The following TSTD2 variants were observed in gnomAD, a reference collection of about 807,000 sequenced individuals.
TSTD2 encodes the protein thiosulfate sulfurtransferase/rhodanese-like domain-containing protein 2.
In TSTD2, 37 loss-of-function variants were observed where a neutral mutation model predicts 47.9. That is an observed-to-expected ratio of 0.77 (90% CI 0.59 to 1.02). The LOEUF (loss-of-function observed/expected upper bound fraction) is 1.02. Among genes scored for constraint, TSTD2 ranks in the 50% least tolerant of loss-of-function variants. The pLI is 0.00. For missense variants in TSTD2, 586 were observed against 616.0 expected, an observed-to-expected ratio of 0.95 and a Z score of 0.52; for synonymous variants, 201 against 215.9, an observed-to-expected ratio of 0.93 and a Z score of 0.61.
chr9:97,630,753 G>C (rs775516392), intron 1 of TSTD2, among the ~76,000 whole-genome samples: 5 of 152,058 alleles, frequency 3.3e-5, no homozygotes, highest in Non-Finnish European at 5.9e-5. Context: ...TGAGTACATG[G>C]GGTTTCATCA....
chr9:97,618,107 T>C (rs1344067158), intron 3 of TSTD2, among the ~76,000 whole-genome samples: 1 of 152,222 alleles, frequency 6.6e-6, no homozygotes, highest in East Asian at 1.9e-4. Context: ...TGAGTTTACT[T>C]TGATCCCTCA....
chr9:97,627,619 T>C lies in TSTD2; in HGVS notation c.-50-7A>G. The C allele has an allele frequency of 7.0e-7, 1 of 1,434,174 alleles. No homozygotes were observed. The highest frequency in any genetic ancestry group is 9.3e-7 in the Non-Finnish European group (1 of 1,071,478). 88.8% of individuals were successfully genotyped at this position (1,434,174 alleles called of 1,614,324 possible). A position where few individuals can be genotyped will look rare whatever the true frequency, so the allele number is the denominator to read the frequency against. On this transcript the variant is annotated splice_polypyrimidine_tract_variant and splice_region_variant and intron_variant, in intron 1 of 9. Coordinates refer to ENST00000341170, the MANE Select transcript of TSTD2 (RefSeq NM_139246.5). ...CCTTTCAGTTAAATACCTCCTAGAA[T>C]ATAAATAAGAAAGAAGCAGCCATGC...
At chr9:97,612,554 T>G (rs1470201108) in intron 4 of TSTD2, among the ~76,000 whole-genome samples, 1 of 152,226 alleles carries the variant, frequency 6.6e-6, no homozygotes, top group Non-Finnish European at 1.5e-5. Context: ...AGGTGTGAGA[T>G]GGATACCTGT....
chr9:97,627,445 C>A lies in TSTD2; in HGVS notation c.118G>T (p.Glu40Ter), dbSNP rs916507817. 6.2e-7 allele frequency: 1 copy of A among 1,607,536 alleles called. No individual in the cohort carries two copies. The highest frequency in any genetic ancestry group is 1.3e-5 in the African/African-American group (1 of 74,630). The change falls in exon 2 of 10, where the codon GAA (glutamate) becomes TAA (stop). Residue 40 changes from glutamate to a stop codon, truncating the protein, a stop_gained. Coordinates refer to ENST00000341170, the MANE Select transcript of TSTD2 (RefSeq NM_139246.5). LOFTEE classifies it high-confidence loss of function. ...TTCTTTTTTGTACTGCCATCTAATT[C>A]TGCTTTAAGACTGCTGCTGGGATTA... is the stretch of plus-strand genomic sequence containing the variant. ...LINPSSSLKA[E>*]LDGSTKKKYS...
In TSTD2 at chr9:97,600,153, C is replaced by T; in HGVS notation, c.*2316G>A. ...TTAGCAAATAAAACTGATTATCATT[C>T]TTTATTAACCCTCCTTGGAATTTTG... On this transcript the variant is annotated 3_prime_UTR_variant, in exon 10 of 10. Coordinates refer to ENST00000341170, the MANE Select transcript of TSTD2 (RefSeq NM_139246.5). 1.0e-6 allele frequency: 1 copy of T among 1,000,942 alleles called. No individual in the cohort carries two copies. The highest frequency in any genetic ancestry group is 4.3e-5 in the South Asian group (1 of 23,156). 62.0% of individuals were successfully genotyped at this position (1,000,942 alleles called of 1,614,324 possible). A position where few individuals can be genotyped will look rare whatever the true frequency, so the allele number is the denominator to read the frequency against.
chr9:97,628,993 C>T (rs935178614), intron 1 of TSTD2, among the ~76,000 whole-genome samples: 1 of 152,182 alleles, frequency 6.6e-6, no homozygotes, highest in Non-Finnish European at 1.5e-5. Context: ...TGCCCCACAA[C>T]ATAACAACTG....
rs778932263 is a variant in TSTD2, at chr9:97,602,604, T to C, written c.1416A>G (p.Gln472=). ...KGSRKVSGPM[Q]DSFKEECECT... is the part of the protein sequence containing the mutation. ...ACTCGCATTCCTCTTTAAAGCTGTC[T>C]TGCATAGGGCCTGAAACTTTCCTGC... is the stretch of plus-strand genomic sequence containing the variant. Residue 472 remains glutamine (Q), a synonymous_variant, in exon 10 of 10, where the codon CAA becomes CAG. Coordinates refer to ENST00000341170, the MANE Select transcript of TSTD2 (RefSeq NM_139246.5). 6.2e-7 allele frequency: 1 copy of C among 1,614,208 alleles called. No individual in the cohort carries two copies. Among genetic ancestry groups the C allele is most frequent in the Non-Finnish European group, 8.5e-7 (1 of 1,180,028 alleles).
chr9:97,627,575 CA>C lies in TSTD2; in HGVS notation c.-14del. The C allele has an allele frequency of 1.3e-6, 2 of 1,586,720 alleles. No individual in the cohort carries two copies. The highest frequency in any genetic ancestry group is 1.7e-6 in the Non-Finnish European group (2 of 1,163,018). ...TGGAAGAAGGCATCTGGTTTGGTTG[CA>C]ACAGTGAAGCAGATATTCCTTTCAG... is the stretch of plus-strand genomic sequence containing the variant. On this transcript the variant is annotated 5_prime_UTR_variant, in exon 2 of 10. Coordinates refer to ENST00000341170, the MANE Select transcript of TSTD2 (RefSeq NM_139246.5).
rs762111496 is a variant in TSTD2, at chr9:97,606,264, A to G, written c.836-3T>C. On this transcript the variant is annotated splice_region_variant and splice_polypyrimidine_tract_variant and intron_variant, in intron 6 of 9. Coordinates refer to ENST00000341170, the MANE Select transcript of TSTD2 (RefSeq NM_139246.5). ...TTCACCTGGGGATAAATGGATTCCT[A>G]AAACCAAACCAAAAAAATTATATTA... 6.5e-7 allele frequency: 1 copy of G among 1,548,526 alleles called. No homozygotes were observed. Among genetic ancestry groups the G allele is most frequent in the Non-Finnish European group, 8.8e-7 (1 of 1,138,774 alleles).
At position 97,601,443 on chromosome 9, in the gene TSTD2, T is replaced by C. The variant is rs1307426594; in HGVS notation, c.*1026A>G. On this transcript the variant is annotated 3_prime_UTR_variant, in exon 10 of 10. Transcript: ENST00000341170. ...TTATATGAAGCTCCCAGAGAGAACATTTAAAAGCTCAGAGAGTAAGTGCTG... is the reference window on the plus strand; with the variant it reads ...TTATATGAAGCTCCCAGAGAGAACACTTAAAAGCTCAGAGAGTAAGTGCTG... The C allele has an allele frequency of 6.9e-6, 7 of 1,019,410 alleles. No individual in the cohort carries two copies. In the South Asian group the frequency reaches 1.8e-4, roughly 26 times the overall value. The allele number at this position is 1,019,410 out of a possible 1,614,324, so 63.1% of individuals were successfully genotyped here. A position where few individuals can be genotyped will look rare whatever the true frequency, so the allele number is the denominator to read the frequency against.
At chr9:97,619,996 A>G (rs185762931) in intron 3 of TSTD2, among the ~76,000 whole-genome samples, 2 of 152,348 alleles carry the variant, frequency 1.3e-5, no homozygotes, top group East Asian at 3.9e-4. Flanking sequence ...ATTCAGTTTT[A>G]AAAGTTAATA....
intron 1 of TSTD2, among the ~76,000 whole-genome samples, chr9:97,632,992 A>C (rs1441165357): frequency 1.3e-5 from 2 of 152,218 alleles, no homozygotes; most frequent in African/African-American, 4.8e-5. Flanking sequence ...GTACCCAATA[A>C]CCCTTGAAAA....
intron 3 of TSTD2, among the ~76,000 whole-genome samples, chr9:97,618,700 T>C (rs140867039): frequency 7.2e-5 from 11 of 152,264 alleles, no homozygotes; most frequent in African/African-American, 2.6e-4. Flanking sequence ...CTTGTTAGCA[T>C]CCTCTAGAAC....
At chr9:97,632,904 G>C (rs573282151) in intron 1 of TSTD2, among the ~76,000 whole-genome samples, 1 of 152,184 alleles carries the variant, frequency 6.6e-6, no homozygotes, top group African/African-American at 2.4e-5. Context: ...ATTTCAGATG[G>C]CCATGGACAA....
intron 6 of TSTD2, among the ~76,000 whole-genome samples, chr9:97,609,359 G>A (rs2131307908): frequency 1.3e-5 from 2 of 152,126 alleles, no homozygotes; most frequent in South Asian, 4.2e-4. Context: ...AATATATCTT[G>A]GGAATACAAT....
In TSTD2 at chr9:97,604,740, A is replaced by T; in HGVS notation, c.1239T>A (p.Ser413Arg). ...GTGCTGACCTACCTGACACCACATC[A>T]CTGTTGTAGGACAGAGCATAGCGTT... ...FDERYALSYNSDVVSECSYCG... is the reference protein window; with the variant it reads ...FDERYALSYNRDVVSECSYCG... The change falls in exon 9 of 10, where the codon AGT (serine) becomes AGA (arginine). Residue 413 changes from serine to arginine, a missense_variant. Transcript: ENST00000341170. The T allele has an allele frequency of 1.2e-6, 2 of 1,614,116 alleles. No homozygotes were observed. The highest frequency in any genetic ancestry group is 2.7e-5 in the African/African-American group (2 of 75,028).
chr9:97,626,009 T>G lies in TSTD2; in HGVS notation c.166-12A>C. 2 of 1,600,016 alleles carry G rather than the reference T, an allele frequency of 1.2e-6. No individual in the cohort carries two copies. The highest frequency in any genetic ancestry group is 1.7e-6 in the Non-Finnish European group (2 of 1,174,610). On this transcript the variant is annotated splice_polypyrimidine_tract_variant and intron_variant, in intron 2 of 9. Coordinates refer to ENST00000341170, the MANE Select transcript of TSTD2 (RefSeq NM_139246.5). ...AAAAGGGCAAAGGCCTGCAATTAGA[T>G]TTCAAATGCTAACACTGTTAAATAA...
At position 97,627,401 on chromosome 9, in the gene TSTD2, T is replaced by C. The variant is rs753783565; in HGVS notation, c.162A>G (p.Lys54=). The C allele has an allele frequency of 9.4e-6, 15 of 1,596,218 alleles. No individual in the cohort carries two copies. The highest frequency in any genetic ancestry group is 1.3e-5 in the Non-Finnish European group (15 of 1,169,130). The stretch of plus-strand genomic sequence containing the variant: ...GAAACATTCATAAGAATTCTACCTT[T>C]TTCTTTGCAAACGAGTATTTCTTTT... ...STKKKYSFAK[K]KAFALFVKTK... is the part of the protein sequence containing the mutation. The change falls in exon 2 of 10, where the codon AAA becomes AAG. Residue 54 remains lysine, a synonymous_variant. Coordinates refer to ENST00000341170, the MANE Select transcript of TSTD2 (RefSeq NM_139246.5).
At chr9:97,631,433 G>A (rs1192044453) in intron 1 of TSTD2, among the ~76,000 whole-genome samples, 2 of 152,046 alleles carry the variant, frequency 1.3e-5, no homozygotes, top group Admixed American at 6.6e-5. Flanking sequence ...CTTTGCTTTT[G>A]AAGTACAATC....
Sources: allele counts gnomAD v4.1 joint callset (sites outside exome capture counted in the v4.1 genomes callset), GRCh38; gene constraint gnomAD v4.1.1; transcripts MANE v1.5; gene names NCBI Gene and HGNC (gene_info 2026-07-23, HGNC 2026-07-21).